INPP4B: variants seen among roughly 807,000 people sequenced by gnomAD.
The protein encoded by INPP4B is inositol polyphosphate 4-phosphatase type II.
Under a neutral mutation model 122.5 loss-of-function variants are expected in INPP4B, and 55 were observed. The observed-to-expected ratio is 0.45, with a 90% CI of 0.36 to 0.56. The LOEUF (loss-of-function observed/expected upper bound fraction) is 0.56. Among genes scored for constraint, INPP4B ranks in the 20% least tolerant of loss-of-function variants. INPP4B has a pLI of 0.00. For synonymous variants in INPP4B, 403 were observed against 388.7 expected (o/e 1.04, Z -0.43); for missense variants, 1,000 against 1,097.7 (o/e 0.91, Z 1.26).
intron 9 of INPP4B, among the ~76,000 whole-genome samples, chr4:142,272,937 C>T (rs558983315): frequency 1.3e-5 from 2 of 152,060 alleles, no homozygotes; most frequent in African/African-American, 4.8e-5. Flanking sequence ...ACAAGGCCTA[C>T]GTATGATATT....
intron 18 of INPP4B, among the ~76,000 whole-genome samples, chr4:142,142,681 G>C (rs1808496870): frequency 6.6e-6 from 1 of 152,080 alleles, no homozygotes. Flanking sequence ...ATCTGAATAA[G>C]AGAGAACAAC....
At chr4:142,034,518 AC>A (rs1742596570) in intron 25 of INPP4B, among the ~76,000 whole-genome samples, 1 of 151,140 alleles carries the variant, frequency 6.6e-6, no homozygotes, top group Non-Finnish European at 1.5e-5. Context: ...TACTCACGCA[AC>A]CCCCATAAAC....
chr4:142,103,231 A>G (rs963886879), intron 23 of INPP4B, among the ~76,000 whole-genome samples: 6 of 151,994 alleles, frequency 3.9e-5, no homozygotes, highest in African/African-American at 1.4e-4. Context: ...CTTCTCATTT[A>G]GCTTATTTGA....
intron 7 of INPP4B, among the ~76,000 whole-genome samples, chr4:142,358,661 A>C (rs922694892): frequency 6.8e-6 from 1 of 148,060 alleles, no homozygotes; most frequent in African/African-American, 2.4e-5. Context: ...AAAAAAAAAA[A>C]AAAAAAAAAA....
At chr4:142,293,721 G>A (rs2151003833) in intron 9 of INPP4B, among the ~76,000 whole-genome samples, 1 of 152,264 alleles carries the variant, frequency 6.6e-6, no homozygotes, top group Non-Finnish European at 1.5e-5. Flanking sequence ...CTATGACACA[G>A]AACAACAGAC....
At chr4:142,669,892 G>A (rs1255011754) in intron 2 of INPP4B, among the ~76,000 whole-genome samples, 2 of 152,152 alleles carry the variant, frequency 1.3e-5, no homozygotes, top group Non-Finnish European at 2.9e-5. Flanking sequence ...TGTTGTGGAT[G>A]TAAATTAGTA....
chr4:142,644,026 T>C (rs971886968), intron 2 of INPP4B, among the ~76,000 whole-genome samples: 1 of 151,696 alleles, frequency 6.6e-6, no homozygotes, highest in Admixed American at 6.6e-5. Context: ...CATTGCGTGA[T>C]CCCATTTCTA....
chr4:142,811,984 A>G (rs1180523765), intron 1 of INPP4B, among the ~76,000 whole-genome samples: 4 of 152,172 alleles, frequency 2.6e-5, no homozygotes, highest in African/African-American at 9.6e-5. Flanking sequence ...CAATAATTCT[A>G]TTTCACAAAA....
At chr4:142,465,108 C>T (rs1392951857) in intron 2 of INPP4B, among the ~76,000 whole-genome samples, 2 of 152,162 alleles carry the variant, frequency 1.3e-5, no homozygotes, top group African/African-American at 4.8e-5. Flanking sequence ...AATGCATACA[C>T]AAGATGGGTA....
At chr4:142,669,646 AC>A (rs1218909603) in intron 2 of INPP4B, among the ~76,000 whole-genome samples, 1 of 152,236 alleles carries the variant, frequency 6.6e-6, no homozygotes, top group African/African-American at 2.4e-5. Context: ...CTCATCATAA[AC>A]AAAAATCAAC....
intron 7 of INPP4B, among the ~76,000 whole-genome samples, chr4:142,372,820 G>A (rs1341480924): frequency 6.6e-6 from 1 of 151,984 alleles, no homozygotes; most frequent in Non-Finnish European, 1.5e-5. Flanking sequence ...CAGTCTTCTA[G>A]TACTGGAAGT....
At chr4:142,383,914 G>A (rs2148892315) in intron 7 of INPP4B, 3 of 577,822 alleles carry the variant, frequency 5.2e-6, no homozygotes, top group Non-Finnish European at 9.3e-6. Context: ...TGACCTCTCT[G>A]CATGTCCAGC....
At chr4:142,142,171 A>C (rs1365347355) in intron 18 of INPP4B, among the ~76,000 whole-genome samples, 1 of 152,116 alleles carries the variant, frequency 6.6e-6, no homozygotes. Context: ...TAAAAAAGAA[A>C]GGAGCAAAAT....
At chr4:142,545,819 GTGTA>G (rs1829570203) in intron 2 of INPP4B, among the ~76,000 whole-genome samples, 2 of 54,928 alleles carry the variant, frequency 3.6e-5, no homozygotes, top group South Asian at 1.2e-3. Context: ...ATATACATGT[GTGTA>G]TATATATATA....
intron 1 of INPP4B, among the ~76,000 whole-genome samples, chr4:142,774,579 A>T (rs1308329264): frequency 6.6e-6 from 1 of 152,080 alleles, no homozygotes; most frequent in Non-Finnish European, 1.5e-5. Flanking sequence ...ACCTACAACA[A>T]CTTCATAAAC....
intron 2 of INPP4B, among the ~76,000 whole-genome samples, chr4:142,557,148 G>A (rs941801223): frequency 5.3e-5 from 8 of 152,150 alleles, no homozygotes; most frequent in African/African-American, 1.9e-4. Flanking sequence ...ACTCACAACT[G>A]ATGACAATGC....
At chr4:142,711,067 A>G (rs1763055607) in intron 2 of INPP4B, among the ~76,000 whole-genome samples, 3 of 152,124 alleles carry the variant, frequency 2.0e-5, no homozygotes, top group African/African-American at 7.2e-5. Flanking sequence ...TCTGGGCCCC[A>G]TTACTATTGT....
chr4:142,554,668 C>T (rs1728767876), intron 2 of INPP4B, among the ~76,000 whole-genome samples: 1 of 152,154 alleles, frequency 6.6e-6, no homozygotes, highest in Admixed American at 6.6e-5. Context: ...TGTTTTCAAC[C>T]TCACTAATGG....
chr4:142,296,041 G>C (rs1285999408), intron 9 of INPP4B, among the ~76,000 whole-genome samples: 2 of 151,876 alleles, frequency 1.3e-5, no homozygotes, highest in Non-Finnish European at 2.9e-5. Flanking sequence ...AAGCAGGTAG[G>C]TCTTTGTGTA....
Sources: allele counts gnomAD v4.1 joint callset (sites outside exome capture counted in the v4.1 genomes callset), GRCh38; gene constraint gnomAD v4.1.1; transcripts MANE v1.5; gene names NCBI Gene and HGNC (gene_info 2026-07-23, HGNC 2026-07-21).